Variants in KCNQ5 observed in about 807,000 individuals in gnomAD.
KCNQ5 encodes potassium voltage-gated channel subfamily KQT member 5.
A neutral mutation model predicts 98.2 loss-of-function variants in KCNQ5; 30 were observed. That is an observed-to-expected ratio of 0.31 (90% CI 0.23 to 0.41). The LOEUF is 0.41. Ranked by LOEUF, KCNQ5 falls within the 10% of genes least tolerant of loss-of-function variation. The probability of loss-of-function intolerance (pLI) is 1.00; values close to 1 mark genes in which losing one functional copy is unlikely to be tolerated. For missense variants in KCNQ5, 835 were observed against 1,182.5 expected (o/e 0.71, Z 4.31); for synonymous variants, 458 against 449.4 (o/e 1.02, Z -0.24).
At chr6:72,653,271 A>G (rs1242287666) in intron 1 of KCNQ5, among the ~76,000 whole-genome samples, 2 of 151,846 alleles carry the variant, frequency 1.3e-5, no homozygotes, top group African/African-American at 4.8e-5. Flanking sequence ...GATACACTCA[A>G]TGATTCTTTC....
At chr6:72,945,404 A>T (rs9360620) in intron 1 of KCNQ5, among the ~76,000 whole-genome samples, 88,973 of 101,080 alleles carry the variant, frequency 0.88, 38,886 homozygotes, top group Non-Finnish European at 0.92. Context: ...CCCTCCCCCC[A>T]CCCCCCACCC....
intron 7 of KCNQ5, among the ~76,000 whole-genome samples, chr6:73,111,758 G>A (rs1216051027): frequency 3.3e-5 from 5 of 152,144 alleles, no homozygotes. Flanking sequence ...AGCAGAACAG[G>A]GCATTGTTCC....
At chr6:73,091,163 TC>T (rs1197125152) in intron 5 of KCNQ5, among the ~76,000 whole-genome samples, 3 of 152,306 alleles carry the variant, frequency 2.0e-5, no homozygotes, top group Admixed American at 6.5e-5. Flanking sequence ...TGAGTTCATG[TC>T]CTTTGCAGGG....
At position 73,194,676 on chromosome 6, in the gene KCNQ5, C is replaced by G. The variant is rs758999586; in HGVS notation, c.2061C>G (p.Gly687=). 1.1e-5 allele frequency: 18 copies of G among 1,614,126 alleles called. No homozygotes were observed. Among genetic ancestry groups the G allele is most frequent in the African/African-American group, 6.7e-5 (5 of 74,948 alleles). The change falls in exon 14 of 14, where the codon GGC becomes GGG. Residue 687 remains glycine, a synonymous_variant. Coordinates refer to ENST00000370398, the MANE Select transcript of KCNQ5 (RefSeq NM_019842.4). ...SRSTSANISR[G]LQFILTPNEF... ...CAACTAGTGCCAACATCTCGAGAGG[C>G]CTGCAGTTCATTCTGACGCCAAATG...
chr6:72,919,131 A>G (rs1780286093), intron 1 of KCNQ5, among the ~76,000 whole-genome samples: 1 of 152,100 alleles, frequency 6.6e-6, no homozygotes, highest in African/African-American at 2.4e-5. Flanking sequence ...AAATGACTTG[A>G]TCGTTCATGG....
intron 1 of KCNQ5, among the ~76,000 whole-genome samples, chr6:72,780,164 G>C (rs971810312): frequency 6.6e-6 from 1 of 152,112 alleles, no homozygotes; most frequent in Non-Finnish European, 1.5e-5. Flanking sequence ...CAGTAGGTAG[G>C]TACATTTATT....
At chr6:72,830,495 A>G (rs1776209564) in intron 1 of KCNQ5, among the ~76,000 whole-genome samples, 2 of 152,320 alleles carry the variant, frequency 1.3e-5, no homozygotes, top group Admixed American at 6.5e-5. Context: ...AGGATTCCCT[A>G]TTTAATAAAT....
intron 10 of KCNQ5, among the ~76,000 whole-genome samples, chr6:73,139,897 C>T (rs1030977308): frequency 2.6e-5 from 4 of 152,110 alleles, no homozygotes; most frequent in African/African-American, 9.7e-5. Context: ...AAGTTAATAA[C>T]TAACCCAGTC....
At position 72,821,146 on chromosome 6, in the gene KCNQ5, G is replaced by C. The variant is rs373278944; in HGVS notation, c.399-182762G>C. On this transcript the variant is annotated intron_variant, in intron 1 of 13. Coordinates refer to ENST00000370398, the MANE Select transcript of KCNQ5 (RefSeq NM_019842.4). ...AGCAGTAAACCACAAGGGACAGATG[G>C]TAGAGGTGTGTCAGGGGTTGCAACT... Among the ~76,000 whole-genome samples the C allele has an allele frequency of 4.6e-5, 7 of 152,196 alleles. No individual in the cohort carries two copies. The East Asian group carries it at 1.3e-3, about 29-fold the overall frequency.
chr6:73,037,007 G>A (rs1771463236), intron 2 of KCNQ5, among the ~76,000 whole-genome samples: 8 of 152,126 alleles, frequency 5.3e-5, no homozygotes, highest in Admixed American at 5.2e-4. Flanking sequence ...AGCATTTTGT[G>A]TTGTCACTAT....
chr6:73,193,851 T>G (rs1765689220), intron 13 of KCNQ5, among the ~76,000 whole-genome samples: 1 of 151,164 alleles, frequency 6.6e-6, no homozygotes, highest in African/African-American at 2.4e-5. Flanking sequence ...TTTTTTTTTT[T>G]TTTTCAGACA....
At chr6:72,983,706 T>G (rs1417158785) in intron 1 of KCNQ5, among the ~76,000 whole-genome samples, 5 of 152,230 alleles carry the variant, frequency 3.3e-5, no homozygotes, top group Non-Finnish European at 7.3e-5. Context: ...TGTCCAGTTT[T>G]GTTCCATTGC....
chr6:73,046,683 C>G lies in KCNQ5; in HGVS notation c.616+4621C>G, dbSNP rs537678091. On this transcript the variant is annotated intron_variant, in intron 3 of 13. Coordinates refer to ENST00000370398, the MANE Select transcript of KCNQ5 (RefSeq NM_019842.4). ...TTGAGGCAGAGTTTCCCTCTATCAC[C>G]CAGGCTGGAGTCCAAATGGCATAGT... Among the ~76,000 whole-genome samples, 4 of 137,352 alleles carry G rather than the reference C, an allele frequency of 2.9e-5. No individual in the cohort carries two copies. The East Asian group carries it at 8.5e-4, about 29-fold the overall frequency. The allele number at this position is 137,352 out of a possible 152,430, so 90.1% of individuals were successfully genotyped here.
intron 1 of KCNQ5, among the ~76,000 whole-genome samples, chr6:72,726,213 T>TAA: frequency 1.3e-5 from 2 of 149,092 alleles, no homozygotes; most frequent in Non-Finnish European, 3.0e-5. Context: ...TTTAAATTTT[T>TAA]TTTTTTTTTT....
At chr6:72,669,850 G>A (rs371938690) in intron 1 of KCNQ5, among the ~76,000 whole-genome samples, 2 of 150,222 alleles carry the variant, frequency 1.3e-5, no homozygotes, top group African/African-American at 4.9e-5. Context: ...TCAAGCAGTT[G>A]TTCAGCCATA....
At chr6:72,856,382 TA>T in intron 1 of KCNQ5, among the ~76,000 whole-genome samples, 1 of 152,138 alleles carries the variant, frequency 6.6e-6, no homozygotes, top group Non-Finnish European at 1.5e-5. Flanking sequence ...GATAAGAATT[TA>T]ATAATAAAAT....
chr6:73,020,573 A>G (rs1208179943), intron 2 of KCNQ5, among the ~76,000 whole-genome samples: 1 of 152,092 alleles, frequency 6.6e-6, no homozygotes, highest in Non-Finnish European at 1.5e-5. Flanking sequence ...GACATTGTCC[A>G]CTGATCATCA....
At chr6:72,643,410 C>T (rs764552586) in intron 1 of KCNQ5, among the ~76,000 whole-genome samples, 1 of 152,168 alleles carries the variant, frequency 6.6e-6, no homozygotes, top group Non-Finnish European at 1.5e-5. Context: ...GTGTGCTAAA[C>T]ATCCTCAGTG....
At position 73,190,657 on chromosome 6, in the gene KCNQ5, T is replaced by A; in HGVS notation, c.1662T>A (p.Ser554=). 1 of 1,599,138 alleles carries A rather than the reference T, an allele frequency of 6.3e-7. No homozygotes were observed. The highest frequency in any genetic ancestry group is 8.5e-7 in the Non-Finnish European group (1 of 1,171,132). ...TAAAAGATGTCATTGAACAATATTC[T>A]GCTGGTCATCTGGACATGTTGTGTA... is the stretch of plus-strand genomic sequence containing the variant. ...YDVKDVIEQY[S]AGHLDMLCRI... The change falls in exon 12 of 14, where the codon TCT becomes TCA. Residue 554 remains serine (S), a synonymous_variant. Transcript: ENST00000370398.
Sources: allele counts gnomAD v4.1 joint callset (sites outside exome capture counted in the v4.1 genomes callset), GRCh38; gene constraint gnomAD v4.1.1; transcripts MANE v1.5; gene names NCBI Gene and HGNC (gene_info 2026-07-23, HGNC 2026-07-21).